Variants in MARCHF1 observed in about 807,000 individuals in gnomAD.
MARCHF1 encodes the protein membrane associated ring-CH-type finger 1.
A neutral mutation model predicts 54.2 loss-of-function variants in MARCHF1; 40 were observed. The observed-to-expected ratio is 0.74, with a 90% CI of 0.57 to 0.96. The LOEUF (loss-of-function observed/expected upper bound fraction) is 0.96. Among genes scored for constraint, MARCHF1 ranks in the 40% least tolerant of loss-of-function variants. The probability of loss-of-function intolerance (pLI) is 0.00; values close to 1 mark genes in which losing one functional copy is unlikely to be tolerated. For missense variants in MARCHF1, 586 were observed against 656.5 expected, an observed-to-expected ratio of 0.89 and a Z score of 1.17; for synonymous variants, 236 against 236.3, an observed-to-expected ratio of 1.00 and a Z score of 0.01.
intron 1 of MARCHF1, among the ~76,000 whole-genome samples, chr4:164,227,254 C>G (rs995582414): frequency 3.9e-5 from 6 of 151,964 alleles, no homozygotes; most frequent in Non-Finnish European, 8.8e-5. Flanking sequence ...TGAGTTCAAG[C>G]AGAGGAAATG....
chr4:163,859,915 T>G (rs575771006), intron 3 of MARCHF1, among the ~76,000 whole-genome samples: 31 of 152,308 alleles, frequency 2.0e-4, no homozygotes, highest in African/African-American at 6.7e-4. Flanking sequence ...CCTTATGGAA[T>G]TGACTGTGTT....
At chr4:163,632,503 C>T (rs575064063) in intron 5 of MARCHF1, among the ~76,000 whole-genome samples, 10 of 152,278 alleles carry the variant, frequency 6.6e-5, no homozygotes, top group African/African-American at 1.4e-4. Context: ...CCTGGAAAAT[C>T]GGGTCACTCC....
chr4:164,181,759 T>C (rs1730839933), intron 1 of MARCHF1, among the ~76,000 whole-genome samples: 1 of 152,198 alleles, frequency 6.6e-6, no homozygotes, highest in Admixed American at 6.5e-5. Context: ...AAAATTATTC[T>C]TCCTTAGATT....
At chr4:163,780,096 A>G (rs1579280993) in intron 4 of MARCHF1, among the ~76,000 whole-genome samples, 1 of 152,226 alleles carries the variant, frequency 6.6e-6, no homozygotes, top group East Asian at 1.9e-4. Context: ...GAGAACAGTC[A>G]AAAGTTTACA....
chr4:163,855,465 T>C (rs949191785), intron 3 of MARCHF1, among the ~76,000 whole-genome samples: 2 of 152,300 alleles, frequency 1.3e-5, no homozygotes, highest in African/African-American at 4.8e-5. Flanking sequence ...CTACAGAAAG[T>C]AAATATTTCC....
At chr4:164,308,198 C>A (rs1734746936) in intron 1 of MARCHF1, among the ~76,000 whole-genome samples, 1 of 152,068 alleles carries the variant, frequency 6.6e-6, no homozygotes, top group African/African-American at 2.4e-5. Flanking sequence ...AAAAAAATCA[C>A]AATATTTATG....
intron 4 of MARCHF1, among the ~76,000 whole-genome samples, chr4:163,821,587 C>T (rs1205677734): frequency 3.9e-5 from 6 of 151,918 alleles, no homozygotes; most frequent in Non-Finnish European, 7.4e-5. Flanking sequence ...AAAAATTAAT[C>T]ATAAAAATTT....
At chr4:163,687,139 C>A (rs1312271606) in intron 5 of MARCHF1, among the ~76,000 whole-genome samples, 1 of 151,838 alleles carries the variant, frequency 6.6e-6, no homozygotes, top group East Asian at 1.9e-4. Context: ...GTTGGGGAAA[C>A]AAGAAAGTAC....
chr4:163,716,911 T>C (rs903944857), intron 4 of MARCHF1, among the ~76,000 whole-genome samples: 1 of 152,214 alleles, frequency 6.6e-6, no homozygotes, highest in Non-Finnish European at 1.5e-5. Flanking sequence ...AGGTTAATAA[T>C]ACATATTAAT....
At chr4:163,759,365 A>G (rs1463300102) in intron 4 of MARCHF1, among the ~76,000 whole-genome samples, 1 of 152,146 alleles carries the variant, frequency 6.6e-6, no homozygotes, top group African/African-American at 2.4e-5. Context: ...GATATATTCA[A>G]TACTGGTTTA....
chr4:163,898,954 A>T (rs1470605523), intron 3 of MARCHF1, among the ~76,000 whole-genome samples: 1 of 152,020 alleles, frequency 6.6e-6, no homozygotes, highest in African/African-American at 2.4e-5. Flanking sequence ...CAAATACCAC[A>T]TGTTCTCACT....
At chr4:163,943,030 A>T (rs180797578) in intron 3 of MARCHF1, among the ~76,000 whole-genome samples, 159 of 151,862 alleles carry the variant, frequency 1.0e-3, no homozygotes, top group African/African-American at 3.6e-3. Context: ...ATCTTTGCCC[A>T]CTTTTTAATG....
At chr4:163,866,481 T>TATATATATATATATATATATAA in intron 3 of MARCHF1, among the ~76,000 whole-genome samples, 1 of 145,476 alleles carries the variant, frequency 6.9e-6, no homozygotes, top group South Asian at 2.1e-4. Flanking sequence ...TATATATATA[T>TATATATATATATATATATATAA]AATAGGACTG....
At chr4:163,530,180 C>T (rs1304631830) in intron 9 of MARCHF1, 1 of 151,918 alleles carries the variant, frequency 6.6e-6, no homozygotes, top group Non-Finnish European at 1.5e-5. Context: ...TGATGAAGCA[C>T]CTTGTACCCT....
At chr4:163,854,212 G>T in intron 3 of MARCHF1, 43 bp from the exon 4 acceptor site, 1 of 1,375,654 alleles carries the variant, frequency 7.3e-7, no homozygotes, top group South Asian at 1.5e-5. Flanking sequence ...ACTTATTTTA[G>T]CTGTGTTTTG....
chr4:164,077,046 A>C (rs1466960453), intron 2 of MARCHF1, among the ~76,000 whole-genome samples: 1 of 152,174 alleles, frequency 6.6e-6, no homozygotes, highest in Non-Finnish European at 1.5e-5. Flanking sequence ...TTTCATATGG[A>C]ACCAAAAAAG....
intron 2 of MARCHF1, among the ~76,000 whole-genome samples, chr4:163,998,317 T>C (rs1054200227): frequency 6.6e-6 from 1 of 151,442 alleles, no homozygotes; most frequent in Admixed American, 6.6e-5. Flanking sequence ...TTAATAATCA[T>C]ATAGATCTTT....
intron 1 of MARCHF1, among the ~76,000 whole-genome samples, chr4:164,256,809 C>T (rs928935506): frequency 6.6e-6 from 1 of 152,098 alleles, no homozygotes; most frequent in Admixed American, 6.6e-5. Context: ...TACTTACAGC[C>T]GGGAACATAA....
intron 9 of MARCHF1, among the ~76,000 whole-genome samples, chr4:163,531,270 A>G (rs1353523302): frequency 6.6e-6 from 1 of 151,920 alleles, no homozygotes; most frequent in African/African-American, 2.4e-5. Flanking sequence ...ATGTATAAAA[A>G]CAGTTACACA....
Sources: allele counts gnomAD v4.1 joint callset (sites outside exome capture counted in the v4.1 genomes callset), GRCh38; gene constraint gnomAD v4.1.1; transcripts MANE v1.5; gene names NCBI Gene and HGNC (gene_info 2026-07-23, HGNC 2026-07-21).